Variants in INVS observed in about 807,000 individuals in gnomAD.
INVS encodes the protein inversin.
In INVS, 86 loss-of-function variants were observed where a neutral mutation model predicts 108.8. The ratio of observed to expected loss-of-function variants is 0.79; its 90% CI spans 0.66 to 0.95. The LOEUF (loss-of-function observed/expected upper bound fraction) is 0.95. Ranked by LOEUF, INVS falls within the 40% of genes least tolerant of loss-of-function variation. The pLI is 0.00. For missense variants in INVS, 1,169 were observed against 1,297.4 expected (o/e 0.90, Z 1.52); for synonymous variants, 455 against 473.5 (o/e 0.96, Z 0.51).
intron 2 of INVS, among the ~76,000 whole-genome samples, chr9:100,124,976 G>C (rs1392007373): frequency 6.6e-6 from 1 of 152,140 alleles, no homozygotes; most frequent in Non-Finnish European, 1.5e-5. Flanking sequence ...GGCTCTTCTG[G>C]TTTGCCCCAC....
At chr9:100,165,863 C>T (rs543926326) in intron 3 of INVS, among the ~76,000 whole-genome samples, 2 of 152,182 alleles carry the variant, frequency 1.3e-5, no homozygotes, top group African/African-American at 4.8e-5. Flanking sequence ...GACCTGGAAT[C>T]AGCTATTTCT....
chr9:100,129,602 G>T, intron 3 of INVS: 1 of 572,804 alleles, frequency 1.7e-6, no homozygotes, highest in Non-Finnish European at 3.2e-6. Flanking sequence ...GGCCATAATG[G>T]CTTATTTTAA....
intron 11 of INVS, among the ~76,000 whole-genome samples, chr9:100,270,868 A>T (rs1200685861): frequency 6.6e-6 from 1 of 151,292 alleles, no homozygotes; most frequent in Non-Finnish European, 1.5e-5. Flanking sequence ...AGGCTGCAGT[A>T]AGCTGTGTTT....
intron 10 of INVS, among the ~76,000 whole-genome samples, chr9:100,255,415 T>C (rs1832385267): frequency 6.6e-6 from 1 of 152,202 alleles, no homozygotes; most frequent in Non-Finnish European, 1.5e-5. Context: ...TTCTTTCTCC[T>C]GCCTGATTGC....
At chr9:100,212,465 G>A (rs11789482) in intron 3 of INVS, among the ~76,000 whole-genome samples, 3 of 151,694 alleles carry the variant, frequency 2.0e-5, no homozygotes, top group Non-Finnish European at 4.4e-5. Context: ...CTCTTCTAAT[G>A]TTCAGGTCTA....
intron 3 of INVS, among the ~76,000 whole-genome samples, chr9:100,185,370 A>T (rs1830021945): frequency 6.6e-6 from 1 of 151,376 alleles, no homozygotes; most frequent in South Asian, 2.1e-4. Context: ...TTTTTTCCCC[A>T]CTTTCAACCA....
chr9:100,130,593 A>G (rs556843556), intron 3 of INVS: 70 of 152,306 alleles, frequency 4.6e-4, no homozygotes, highest in African/African-American at 1.5e-3. Context: ...CATCCCTATT[A>G]ATCGTCATTT....
At chr9:100,101,010 TTATATG>T (rs1440399086) in intron 1 of INVS, among the ~76,000 whole-genome samples, 4 of 95,080 alleles carry the variant, frequency 4.2e-5, no homozygotes, top group Non-Finnish European at 5.9e-5. Context: ...AATATATATA[TTATATG>T]TATATATATT....
Position 100,248,956 on chromosome 9 carries a change from T to G in INVS, c.1078+2169T>G, listed in dbSNP as rs1832134258. ...GATCTCACTGTGTTGCCCAGGCTGG[T>G]CTCAAACTCCTGGGCTCAAGCGATC... is the stretch of plus-strand genomic sequence containing the variant. On this transcript the variant is annotated intron_variant, in intron 8 of 16. Transcript: ENST00000262457. Among the ~76,000 whole-genome samples the G allele has an allele frequency of 2.0e-5, 3 of 150,996 alleles. No homozygotes were observed. In the South Asian group the frequency reaches 6.3e-4, roughly 32 times the overall value.
At chr9:100,235,316 A>G (rs899886114) in intron 5 of INVS, among the ~76,000 whole-genome samples, 3 of 151,894 alleles carry the variant, frequency 2.0e-5, no homozygotes, top group Non-Finnish European at 4.4e-5. Context: ...TTGACTCTTT[A>G]TCCAATTTGC....
At chr9:100,175,666 G>A in intron 3 of INVS, 1 of 644,602 alleles carries the variant, frequency 1.6e-6, no homozygotes, top group South Asian at 1.6e-5. Context: ...ACCTACCCCA[G>A]CCTCTATTCT....
rs891255394 is a variant in INVS at position 100,302,084 on chromosome 9, T to A, written c.*1410T>A. On this transcript the variant is annotated 3_prime_UTR_variant, in exon 17 of 17. Coordinates refer to ENST00000262457, the MANE Select transcript of INVS (RefSeq NM_014425.5). The stretch of plus-strand genomic sequence containing the variant: ...GTGCAAAGAAAGAAGGTTCGTAAAC[T>A]TCTTTAAAAGTTCAGCTTTAATGAC... 17 of 657,750 alleles carry A rather than the reference T, an allele frequency of 2.6e-5. No individual in the cohort carries two copies. In the East Asian group the frequency reaches 4.6e-4, roughly 18 times the overall value. 40.7% of individuals were successfully genotyped at this position (657,750 alleles called of 1,614,324 possible).
intron 3 of INVS, among the ~76,000 whole-genome samples, chr9:100,225,692 C>A (rs879876121): frequency 1.3e-5 from 2 of 151,532 alleles, no homozygotes; most frequent in African/African-American, 4.9e-5. Flanking sequence ...ATAATTTATT[C>A]TTGTGAAAAA....
chr9:100,111,590 A>G (rs1170467676), intron 2 of INVS, among the ~76,000 whole-genome samples: 5 of 152,254 alleles, frequency 3.3e-5, no homozygotes, highest in African/African-American at 9.6e-5. Context: ...GCTGCTTTCT[A>G]TATTAACTGT....
intron 3 of INVS, among the ~76,000 whole-genome samples, chr9:100,143,757 G>A (rs140467731): frequency 2.0e-3 from 312 of 152,212 alleles, no homozygotes; most frequent in African/African-American, 7.1e-3. Context: ...GTTTTAAGAG[G>A]TTTAGAAGCC....
chr9:100,299,961 T>A (rs1310013336), intron 16 of INVS, among the ~76,000 whole-genome samples: 1 of 152,216 alleles, frequency 6.6e-6, no homozygotes, highest in Admixed American at 6.5e-5. Context: ...AAACCTTTAA[T>A]GTATTTGCTT....
chr9:100,182,299 A>C (rs905597366), intron 3 of INVS, among the ~76,000 whole-genome samples: 8 of 152,234 alleles, frequency 5.3e-5, no homozygotes, highest in African/African-American at 1.7e-4. Flanking sequence ...TTGGCACAGC[A>C]AAAGACACTA....
At chr9:100,159,726 C>G (rs1294728656) in intron 3 of INVS, among the ~76,000 whole-genome samples, 1 of 152,122 alleles carries the variant, frequency 6.6e-6, no homozygotes, top group Non-Finnish European at 1.5e-5. Context: ...ATACTAATAA[C>G]TATGAAATTA....
chr9:100,174,588 A>G (rs1202766626), intron 3 of INVS, among the ~76,000 whole-genome samples: 1 of 152,140 alleles, frequency 6.6e-6, no homozygotes, highest in Non-Finnish European at 1.5e-5. Flanking sequence ...TAAATATTCA[A>G]GAAACGTAAT....
Sources: allele counts gnomAD v4.1 joint callset (sites outside exome capture counted in the v4.1 genomes callset), GRCh38; gene constraint gnomAD v4.1.1; transcripts MANE v1.5; gene names NCBI Gene and HGNC (gene_info 2026-07-23, HGNC 2026-07-21).